The following BAZ1A variants were observed in gnomAD, a reference collection of about 807,000 sequenced individuals.
BAZ1A encodes the protein bromodomain adjacent to zinc finger domain protein 1A.
A neutral mutation model predicts 185.2 loss-of-function variants in BAZ1A; 50 were observed. The ratio of observed to expected loss-of-function variants is 0.27; its 90% CI spans 0.22 to 0.34. The LOEUF (loss-of-function observed/expected upper bound fraction) is 0.34. Ranked by LOEUF, BAZ1A falls within the 10% of genes least tolerant of loss-of-function variation. BAZ1A has a pLI of 1.00. For synonymous variants in BAZ1A, 571 were observed against 615.6 expected, an observed-to-expected ratio of 0.93 and a Z score of 1.07; for missense variants, 1,356 against 1,839.9, an observed-to-expected ratio of 0.74 and a Z score of 4.81.
chr14:34,755,010 T>C, intron 25 of BAZ1A, 96 bp from the exon 26 acceptor site: 1 of 751,504 alleles, frequency 1.3e-6, no homozygotes, highest in Non-Finnish European at 2.2e-6. Flanking sequence ...AGCAACTCAA[T>C]ATGCAATTGC....
At chr14:34,816,956 G>A (rs17592366) in intron 4 of BAZ1A, 26,162 of 296,116 alleles carry the variant, frequency 0.088, 1,767 homozygotes, top group Admixed American at 0.22. Flanking sequence ...TGAGTGAAAG[G>A]AACAATAGCG....
intron 4 of BAZ1A, among the ~76,000 whole-genome samples, chr14:34,822,456 T>G (rs899612884): frequency 2.0e-5 from 3 of 152,132 alleles, no homozygotes; most frequent in Non-Finnish European, 4.4e-5. Flanking sequence ...AAACTCCATC[T>G]GTACAAAAAA....
chr14:34,828,999 C>T (rs1021108591), intron 3 of BAZ1A, among the ~76,000 whole-genome samples: 9 of 152,338 alleles, frequency 5.9e-5, no homozygotes, highest in African/African-American at 9.6e-5. Context: ...ACCATTTGCA[C>T]GCCTGCAATC....
intron 3 of BAZ1A, among the ~76,000 whole-genome samples, chr14:34,832,294 T>C (rs948519576): frequency 6.7e-5 from 10 of 149,892 alleles, no homozygotes; most frequent in African/African-American, 2.4e-4. Context: ...TGGGGAATTC[T>C]ATTCAACACT....
chr14:34,850,117 C>T (rs1045219907), intron 3 of BAZ1A, among the ~76,000 whole-genome samples: 1 of 152,122 alleles, frequency 6.6e-6, no homozygotes, highest in African/African-American at 2.4e-5. Flanking sequence ...TAGTGGCTCA[C>T]GCCTGTAATC....
chr14:34,843,405 C>T (rs776218853), intron 3 of BAZ1A, among the ~76,000 whole-genome samples: 1 of 152,148 alleles, frequency 6.6e-6, no homozygotes, highest in Non-Finnish European at 1.5e-5. Context: ...GATCTTTCTA[C>T]CATCTTGTGA....
At chr14:34,851,652 C>CAA (rs937388158) in intron 3 of BAZ1A, among the ~76,000 whole-genome samples, 22 of 145,512 alleles carry the variant, frequency 1.5e-4, no homozygotes, top group African/African-American at 5.0e-4. Flanking sequence ...TGTGTTTGCT[C>CAA]AAAAAAAAAA....
intron 3 of BAZ1A, among the ~76,000 whole-genome samples, chr14:34,839,780 C>T (rs2042384701): frequency 7.5e-6 from 1 of 133,874 alleles, no homozygotes; most frequent in Admixed American, 8.3e-5. Context: ...GCGGAGCTTG[C>T]AGTGAGCCCA....
In BAZ1A at chr14:34,801,083, T is replaced by G. The variant is rs774945922; in HGVS notation, c.961+11A>C. The G allele has an allele frequency of 1.3e-6, 2 of 1,566,904 alleles. No homozygotes were observed. Among genetic ancestry groups the G allele is most frequent in the African/African-American group, 2.8e-5 (2 of 72,640 alleles). ...TCCTAATTAGCTTTTGGAAACAATG[T>G]TAAAACTCACCCAGTGACTTCATTT... On this transcript the variant is annotated intron_variant, in intron 8 of 26. Transcript: ENST00000360310.
rs1879570082 is a variant in BAZ1A at position 34,775,919 on chromosome 14, C to A, written c.2833G>T (p.Asp945Tyr). 1 of 1,561,042 alleles carries A rather than the reference C, an allele frequency of 6.4e-7. No homozygotes were observed. Among genetic ancestry groups the A allele is most frequent in the Non-Finnish European group, 8.7e-7 (1 of 1,152,946 alleles). ...AAAACAATTTTCATTGAAAATTTAC[C>A]TGAAAAATGAAATTTCTCTTCAGAA... is the stretch of plus-strand genomic sequence containing the variant. ...RFSEEKFHFSDKPQPDSKPTY... is the reference protein window; with the variant it reads ...RFSEEKFHFSYKPQPDSKPTY... The change falls in exon 18 of 27, where the codon GAC (aspartate) becomes TAC (tyrosine). Residue 945 changes from aspartate (D) to tyrosine (Y), a missense_variant and splice_region_variant. By Grantham distance (160) the Asp-to-Tyr change is radical. Around this residue, in one of 7 missense-constraint regions of BAZ1A, gnomAD observed 434 missense variants for 561.7 expected, o/e 0.77. Transcript: ENST00000360310.
At chr14:34,779,837 T>A (rs1019629213) in intron 17 of BAZ1A, among the ~76,000 whole-genome samples, 1 of 152,180 alleles carries the variant, frequency 6.6e-6, no homozygotes. Flanking sequence ...GAATACAAAT[T>A]TCTATTTGGC....
Position 34,771,550 on chromosome 14 carries a change from C to G in BAZ1A, c.3262G>C (p.Glu1088Gln). 1.2e-6 allele frequency: 2 copies of G among 1,613,930 alleles called. No individual in the cohort carries two copies. Among genetic ancestry groups the G allele is most frequent in the Non-Finnish European group, 8.5e-7 (1 of 1,179,952 alleles). ...AGAAAACGCCGCTCAATGCCCTGCTCTATTTGAAAGAGTGCCATTGCCAGA... is the reference window on the plus strand; with the variant it reads ...AGAAAACGCCGCTCAATGCCCTGCTGTATTTGAAAGAGTGCCATTGCCAGA... Reference protein sequence around the residue: ...HYLAMALFQIEQGIERRFLKA... With the variant: ...HYLAMALFQIQQGIERRFLKA... The change falls in exon 21 of 27, where the codon GAG becomes CAG. Residue 1088 changes from glutamate (E) to glutamine (Q), a missense_variant. By Grantham distance (29) the Glu-to-Gln change is conservative. Coordinates refer to ENST00000360310, the MANE Select transcript of BAZ1A (RefSeq NM_013448.3).
intron 2 of BAZ1A, among the ~76,000 whole-genome samples, chr14:34,863,083 G>A (rs1477431622): frequency 1.4e-5 from 2 of 145,112 alleles, no homozygotes; most frequent in Non-Finnish European, 3.0e-5. Flanking sequence ...CCACCTCCCA[G>A]GTTTAAGCGA....
rs1362718909 is a variant in BAZ1A, at chr14:34,771,434, A to AC, written c.3301+76_3301+77insG. 7 of 1,335,530 alleles carry AC rather than the reference A, an allele frequency of 5.2e-6. No homozygotes were observed. In the Admixed American group the frequency reaches 1.7e-4, roughly 32 times the overall value. The allele number at this position is 1,335,530 out of a possible 1,614,324, so 82.7% of individuals were successfully genotyped here. A position where few individuals can be genotyped will look rare whatever the true frequency, so the allele number is the denominator to read the frequency against. ...TATCAATTTCATTATGTCAGCCAATAAAGTTCTATTAGTTAAAGGCCAACT... is the reference window on the plus strand; with the variant it reads ...TATCAATTTCATTATGTCAGCCAATACAAGTTCTATTAGTTAAAGGCCAACT... On this transcript the variant is annotated intron_variant, in intron 21 of 26. Coordinates refer to ENST00000360310, the MANE Select transcript of BAZ1A (RefSeq NM_013448.3).
At chr14:34,803,691 A>G (rs1006070380) in intron 6 of BAZ1A, among the ~76,000 whole-genome samples, 2 of 152,214 alleles carry the variant, frequency 1.3e-5, no homozygotes, top group Non-Finnish European at 2.9e-5. Flanking sequence ...AACATTAAAA[A>G]TCTACTGTAT....
chr14:34,834,692 T>C (rs1039403911), intron 3 of BAZ1A, among the ~76,000 whole-genome samples: 5 of 152,196 alleles, frequency 3.3e-5, no homozygotes, highest in Admixed American at 6.5e-5. Flanking sequence ...GCTAAACTTA[T>C]GTTACTCAAG....
chr14:34,805,788 T>G lies in BAZ1A; in HGVS notation c.726+1663A>C, dbSNP rs144167492. Among the ~76,000 whole-genome samples the G allele has an allele frequency of 3.2e-3, 480 of 152,324 alleles. 3 individuals are homozygous for G. The highest frequency in any genetic ancestry group is 0.011 in the African/African-American group (465 of 41,578). ...CATATCTATTTGACCATTTTCCTAC[T>G]GGGGTGCTTATGTTTCTCTAGTTAA... On this transcript the variant is annotated intron_variant, in intron 6 of 26. Coordinates refer to ENST00000360310, the MANE Select transcript of BAZ1A (RefSeq NM_013448.3).
intron 24 of BAZ1A, among the ~76,000 whole-genome samples, chr14:34,759,464 G>T (rs1289111719): frequency 6.6e-6 from 1 of 152,136 alleles, no homozygotes; most frequent in Non-Finnish European, 1.5e-5. Context: ...CTCCCAAAAT[G>T]CTGGGATTAC....
Position 34,753,235 on chromosome 14 carries a change from G to A in BAZ1A, c.*273C>T, listed in dbSNP as rs1428409799. On this transcript the variant is annotated 3_prime_UTR_variant, in exon 27 of 27. Coordinates refer to ENST00000360310, the MANE Select transcript of BAZ1A (RefSeq NM_013448.3). ...TGAAAAAATATTTTCCAAGATCTCT[G>A]GACACATGAATGATCTCAAAAATGT... The A allele has an allele frequency of 2.8e-6, 1 of 354,528 alleles. No individual in the cohort carries two copies. 22.0% of individuals were successfully genotyped at this position (354,528 alleles called of 1,614,324 possible). A position where few individuals can be genotyped will look rare whatever the true frequency, so the allele number is the denominator to read the frequency against.
Sources: gnomAD v4.1 joint callset for allele counts (sites outside exome capture counted in the v4.1 genomes callset) on GRCh38, gnomAD v4.1.1 for gene constraint, gnomAD v4.1.1 regional missense constraint, MANE v1.5 for transcripts, NCBI Gene and HGNC (gene_info 2026-07-23, HGNC 2026-07-21) for gene names.